EHMT1: variants seen among roughly 807,000 people sequenced by gnomAD.
EHMT1 encodes the protein histone-lysine N-methyltransferase EHMT1.
Under a neutral mutation model 147.2 loss-of-function variants are expected in EHMT1, and 15 were observed. The ratio of observed to expected loss-of-function variants is 0.10; its 90% CI spans 0.07 to 0.16. EHMT1 has a LOEUF of 0.16. EHMT1 is among the 10% of genes least tolerant of loss of function. The pLI, the probability that EHMT1 is intolerant of heterozygous loss-of-function variation, is 1.00. For missense variants in EHMT1, 1,587 were observed against 1,772.4 expected, an observed-to-expected ratio of 0.90 and a Z score of 1.88; for synonymous variants, 795 against 709.6, an observed-to-expected ratio of 1.12 and a Z score of -1.91.
At chr9:137,659,296 G>GT (rs571947603) in intron 1 of EHMT1, among the ~76,000 whole-genome samples, 5 of 151,608 alleles carry the variant, frequency 3.3e-5, no homozygotes, top group Non-Finnish European at 7.4e-5. Flanking sequence ...TTCATGCTTT[G>GT]TGCTTATTAT....
chr9:137,655,203 C>T lies in EHMT1; in HGVS notation c.21+36154C>T, dbSNP rs150308944. On this transcript the variant is annotated intron_variant, in intron 1 of 26. Coordinates refer to ENST00000460843, the MANE Select transcript of EHMT1 (RefSeq NM_024757.5). ...TGTATTTTTTTATTTTTAGTAGAGA[C>T]GGCATTTCACCATTTTTCGGCCAGG... Among the ~76,000 whole-genome samples, 972 of 152,080 alleles carry T rather than the reference C, an allele frequency of 6.4e-3. 8 individuals are homozygous for T. The highest frequency in any genetic ancestry group is 0.022 in the African/African-American group (895 of 41,506).
intron 16 of EHMT1, among the ~76,000 whole-genome samples, chr9:137,792,708 A>G (rs1046400638): frequency 1.3e-5 from 2 of 152,222 alleles, no homozygotes; most frequent in Non-Finnish European, 1.5e-5. Flanking sequence ...TCTGTTTCAA[A>G]AAAAAGGAAA....
chr9:137,621,758 A>G (rs536076442), intron 1 of EHMT1, among the ~76,000 whole-genome samples: 2 of 152,306 alleles, frequency 1.3e-5, no homozygotes, highest in South Asian at 4.1e-4. Flanking sequence ...CTTTGACTCA[A>G]GGCTTTTGTC....
At chr9:137,795,432 C>CACACTCTCACAT (rs1952848785) in intron 16 of EHMT1, among the ~76,000 whole-genome samples, 4 of 131,464 alleles carry the variant, frequency 3.0e-5, no homozygotes, top group African/African-American at 1.1e-4. Flanking sequence ...CACACACTCT[C>CACACTCTCACAT]ACACTCACAT....
Position 137,814,456 on chromosome 9 carries a change from C to T in EHMT1, c.3206C>T (p.Ser1069Phe), listed in dbSNP as rs1477930903. 2.5e-6 allele frequency: 4 copies of T among 1,610,630 alleles called. No individual in the cohort carries two copies. The highest frequency in any genetic ancestry group is 3.4e-6 in the Non-Finnish European group (4 of 1,180,030). Reference protein sequence around the residue: ...LQYCVCIDDCSSSNCMCGQLS... With the variant: ...LQYCVCIDDCFSSNCMCGQLS... Reference sequence around the variant, plus strand: ...TACTGCGTGTGCATCGACGACTGCTCCTCCAGCAACTGCATGTGCGGCCAG... The same window carrying T: ...TACTGCGTGTGCATCGACGACTGCTTCTCCAGCAACTGCATGTGCGGCCAG... The change falls in exon 22 of 27, where the codon TCC (serine) becomes TTC (phenylalanine). Residue 1069 changes from serine (S) to phenylalanine (F), a missense_variant. This residue lies in a region of EHMT1 where 156 missense variants were observed against 252.5 expected (regional missense o/e 0.62). Coordinates refer to ENST00000460843, the MANE Select transcript of EHMT1 (RefSeq NM_024757.5).
chr9:137,686,704 G>A (rs1942467757), intron 1 of EHMT1, among the ~76,000 whole-genome samples: 1 of 149,700 alleles, frequency 6.7e-6, no homozygotes, highest in Non-Finnish European at 1.5e-5. Flanking sequence ...TACATGGCAT[G>A]AGGTAGGGGT....
intron 1 of EHMT1, among the ~76,000 whole-genome samples, chr9:137,686,985 T>C (rs1413557850): frequency 6.6e-6 from 1 of 152,164 alleles, no homozygotes; most frequent in East Asian, 1.9e-4. Flanking sequence ...CGCCTCGGCC[T>C]CCCAAAGTGC....
At chr9:137,797,349 C>G (rs777555093) in intron 16 of EHMT1, among the ~76,000 whole-genome samples, 1 of 152,146 alleles carries the variant, frequency 6.6e-6, no homozygotes, top group African/African-American at 2.4e-5. Flanking sequence ...ACCACTCTGC[C>G]GCTCCCAGCC....
intron 1 of EHMT1, among the ~76,000 whole-genome samples, chr9:137,683,802 T>A (rs1554835150): frequency 6.6e-6 from 1 of 152,180 alleles, no homozygotes; most frequent in Non-Finnish European, 1.5e-5. Context: ...TTAAAAAAAT[T>A]ATACAATGAC....
intron 1 of EHMT1, among the ~76,000 whole-genome samples, chr9:137,709,018 G>GC (rs1302031990): frequency 6.6e-6 from 1 of 152,208 alleles, no homozygotes; most frequent in Non-Finnish European, 1.5e-5. Context: ...TCTCAGGCGA[G>GC]CCCCCCAAGT....
chr9:137,803,168 A>G, intron 18 of EHMT1: 3 of 1,220,290 alleles, frequency 2.5e-6, no homozygotes, highest in Non-Finnish European at 3.1e-6. Context: ...GAATGGAAGC[A>G]TTGATTAAAT....
At chr9:137,713,267 T>TA (rs1362372210) in intron 2 of EHMT1, among the ~76,000 whole-genome samples, 1 of 115,938 alleles carries the variant, frequency 8.6e-6, no homozygotes, top group East Asian at 2.0e-4. Flanking sequence ...ATGCTAATTT[T>TA]TTTTTTTTTT....
chr9:137,831,913 G>C (rs1339847656), intron 25 of EHMT1, among the ~76,000 whole-genome samples: 1 of 151,820 alleles, frequency 6.6e-6, no homozygotes, highest in Non-Finnish European at 1.5e-5. Flanking sequence ...TCCTAGGATT[G>C]GCTGGGCTCC....
chr9:137,695,457 C>G (rs1943325268), intron 1 of EHMT1, among the ~76,000 whole-genome samples: 1 of 152,248 alleles, frequency 6.6e-6, no homozygotes, highest in Non-Finnish European at 1.5e-5. Flanking sequence ...CCAGGGACTG[C>G]ACTGCCCTGA....
chr9:137,686,267 T>A (rs998691057), intron 1 of EHMT1, among the ~76,000 whole-genome samples: 2 of 152,252 alleles, frequency 1.3e-5, no homozygotes, highest in African/African-American at 4.8e-5. Flanking sequence ...GTGTGATAAT[T>A]TAAGAAATTG....
intron 4 of EHMT1, among the ~76,000 whole-genome samples, chr9:137,739,174 A>G (rs1947829319): frequency 6.6e-6 from 1 of 151,688 alleles, no homozygotes; most frequent in East Asian, 1.9e-4. Context: ...GATCGAGACC[A>G]TCCTGGCTAA....
intron 1 of EHMT1, among the ~76,000 whole-genome samples, chr9:137,706,470 A>C (rs1944281284): frequency 6.6e-6 from 1 of 152,252 alleles, no homozygotes; most frequent in Non-Finnish European, 1.5e-5. Flanking sequence ...TGTCACTGTT[A>C]TGAACAGGAG....
At chr9:137,630,518 A>G (rs1470375301) in intron 1 of EHMT1, among the ~76,000 whole-genome samples, 1 of 152,228 alleles carries the variant, frequency 6.6e-6, no homozygotes, top group East Asian at 1.9e-4. Context: ...TACATTAACA[A>G]AAATTAGGCA....
intron 4 of EHMT1, among the ~76,000 whole-genome samples, chr9:137,737,562 G>A (rs905244996): frequency 6.6e-6 from 1 of 152,274 alleles, no homozygotes; most frequent in South Asian, 2.1e-4. Flanking sequence ...ATTCTGAGAA[G>A]AAAACATAGG....
Sources: gnomAD v4.1 joint callset for allele counts (sites outside exome capture counted in the v4.1 genomes callset) on GRCh38, gnomAD v4.1.1 for gene constraint, gnomAD v4.1.1 regional missense constraint, MANE v1.5 for transcripts, NCBI Gene and HGNC (gene_info 2026-07-23, HGNC 2026-07-21) for gene names.